The following CPQ variants were observed in gnomAD, a reference collection of about 807,000 sequenced individuals.
CPQ encodes the protein carboxypeptidase Q.
A neutral mutation model predicts 45.7 loss-of-function variants in CPQ; 37 were observed. The ratio of observed to expected loss-of-function variants is 0.81; its 90% CI spans 0.62 to 1.07. The LOEUF is 1.07. Ranked by LOEUF, CPQ falls within the 50% of genes least tolerant of loss-of-function variation. The pLI, the probability that CPQ is intolerant of heterozygous loss-of-function variation, is 0.00. For synonymous variants in CPQ, 186 were observed against 205.8 expected, an observed-to-expected ratio of 0.90 and a Z score of 0.82; for missense variants, 537 against 572.9, an observed-to-expected ratio of 0.94 and a Z score of 0.64.
At chr8:96,931,291 A>G (rs1812971481) in intron 4 of CPQ, among the ~76,000 whole-genome samples, 2 of 152,144 alleles carry the variant, frequency 1.3e-5, no homozygotes, top group South Asian at 4.1e-4. Context: ...TAACTTTTCT[A>G]TTATGCCACA....
intron 4 of CPQ, among the ~76,000 whole-genome samples, chr8:96,950,175 G>A (rs1048298708): frequency 6.6e-6 from 1 of 152,092 alleles, no homozygotes; most frequent in African/African-American, 2.4e-5. Context: ...ATCACTGAGA[G>A]AAAATAAGTT....
intron 7 of CPQ, among the ~76,000 whole-genome samples, chr8:97,073,275 C>G (rs997834900): frequency 6.6e-6 from 1 of 152,168 alleles, no homozygotes; most frequent in Admixed American, 6.5e-5. Flanking sequence ...TTTGCAAAGG[C>G]CTTTCCTCTA....
intron 1 of CPQ, among the ~76,000 whole-genome samples, chr8:96,758,168 GA>G (rs1178376789): frequency 6.6e-6 from 1 of 152,178 alleles, no homozygotes; most frequent in Non-Finnish European, 1.5e-5. Context: ...TAAGAGATCT[GA>G]GGTCTTTTAG....
intron 2 of CPQ, among the ~76,000 whole-genome samples, chr8:96,793,624 C>T (rs1810882297): frequency 6.6e-6 from 1 of 152,178 alleles, no homozygotes; most frequent in Non-Finnish European, 1.5e-5. Flanking sequence ...ATCATGCTTT[C>T]CCAACAGTTT....
chr8:97,033,512 G>A (rs901620105), intron 6 of CPQ, among the ~76,000 whole-genome samples: 10 of 151,940 alleles, frequency 6.6e-5, no homozygotes, highest in Admixed American at 2.0e-4. Context: ...TCTCTTTCTC[G>A]TTTGTATGAC....
At chr8:97,033,625 CTT>C (rs774022131) in intron 6 of CPQ, among the ~76,000 whole-genome samples, 13 of 142,336 alleles carry the variant, frequency 9.1e-5, no homozygotes, top group Admixed American at 2.8e-4. Context: ...CATGCACAAT[CTT>C]TTTTTTTTTT....
In CPQ at chr8:96,651,639, T is replaced by C. The variant is rs550724501; in HGVS notation, c.-35+6237T>C. Among the ~76,000 whole-genome samples, 8 of 152,226 alleles carry C rather than the reference T, an allele frequency of 5.3e-5. No individual in the cohort carries two copies. The South Asian group carries it at 1.5e-3, about 28-fold the overall frequency. On this transcript the variant is annotated intron_variant, in intron 1 of 7. Transcript: ENST00000220763. ...GGTAATACACAAGATTTGAATAATA[T>C]AACTAATGAGGTTGAATAATATAAT...
chr8:97,061,729 A>G (rs536891293), intron 6 of CPQ, among the ~76,000 whole-genome samples: 6 of 152,292 alleles, frequency 3.9e-5, no homozygotes, highest in Admixed American at 1.3e-4. Context: ...AGCTAACAGA[A>G]GGGCTTATAT....
At chr8:96,839,109 AT>A (rs1811571020) in intron 3 of CPQ, among the ~76,000 whole-genome samples, 3 of 151,398 alleles carry the variant, frequency 2.0e-5, no homozygotes, top group Non-Finnish European at 4.4e-5. Context: ...ATATATATAT[AT>A]ATTATGATTT....
intron 3 of CPQ, among the ~76,000 whole-genome samples, chr8:96,877,498 G>A (rs887098483): frequency 3.3e-5 from 5 of 152,122 alleles, no homozygotes; most frequent in African/African-American, 1.2e-4. Flanking sequence ...CAGACATCAC[G>A]TAAGGTAATA....
At chr8:97,025,177 T>C (rs980409414) in intron 5 of CPQ, among the ~76,000 whole-genome samples, 1 of 152,184 alleles carries the variant, frequency 6.6e-6, no homozygotes, top group Non-Finnish European at 1.5e-5. Context: ...AGCTTAATGA[T>C]AGTTCTCTCT....
chr8:96,893,418 G>A (rs1812402836), intron 4 of CPQ, among the ~76,000 whole-genome samples: 1 of 152,192 alleles, frequency 6.6e-6, no homozygotes. Flanking sequence ...AGGAAAATAG[G>A]CAGTAAGTTC....
intron 4 of CPQ, among the ~76,000 whole-genome samples, chr8:96,893,864 T>G (rs1812408040): frequency 6.6e-6 from 1 of 152,214 alleles, no homozygotes; most frequent in Non-Finnish European, 1.5e-5. Flanking sequence ...GTCCACATTT[T>G]TTTTTAAAAT....
intron 1 of CPQ, among the ~76,000 whole-genome samples, chr8:96,734,957 A>G (rs1009402793): frequency 2.0e-5 from 3 of 151,722 alleles, no homozygotes; most frequent in African/African-American, 7.3e-5. Flanking sequence ...GCTTGTTTGC[A>G]TGCTCTCTCT....
intron 7 of CPQ, among the ~76,000 whole-genome samples, chr8:97,112,862 G>C (rs1016231576): frequency 6.6e-6 from 1 of 152,238 alleles, no homozygotes; most frequent in Admixed American, 6.5e-5. Flanking sequence ...TCAGGCTTGC[G>C]CCTCTGGGAT....
chr8:96,897,234 A>T (rs115969527), intron 4 of CPQ, among the ~76,000 whole-genome samples: 2,523 of 152,284 alleles, frequency 0.017, 68 homozygotes, highest in African/African-American at 0.055. Flanking sequence ...ACTAATTTTG[A>T]AAGATAATTT....
At chr8:96,822,869 C>T (rs951556445) in intron 2 of CPQ, among the ~76,000 whole-genome samples, 2 of 152,006 alleles carry the variant, frequency 1.3e-5, no homozygotes, top group African/African-American at 2.4e-5. Context: ...TCCCTGATCA[C>T]CTAATACAAA....
chr8:96,829,447 T>G (rs1444989195), intron 2 of CPQ, among the ~76,000 whole-genome samples: 1 of 152,110 alleles, frequency 6.6e-6, no homozygotes, highest in African/African-American at 2.4e-5. Context: ...ACTGTTTTCC[T>G]TTTCTTCCTG....
At position 96,987,909 on chromosome 8, in the gene CPQ, G is replaced by T. The variant is rs78091006; in HGVS notation, c.961+21863G>T. On this transcript the variant is annotated intron_variant, in intron 5 of 7. Transcript: ENST00000220763. ...AAGTACTATAAAAAGTAACTTGATG[G>T]CATAAAGTGAATTCCCATGATGAGA... is the stretch of plus-strand genomic sequence containing the variant. Among the ~76,000 whole-genome samples, 526 of 152,218 alleles carry T rather than the reference G, an allele frequency of 3.5e-3. 4 individuals carry two copies. The highest frequency in any genetic ancestry group is 4.6e-3 in the Non-Finnish European group (313 of 68,006).
Sources: gnomAD v4.1 joint callset for allele counts (sites outside exome capture counted in the v4.1 genomes callset) on GRCh38, gnomAD v4.1.1 for gene constraint, MANE v1.5 for transcripts, NCBI Gene and HGNC (gene_info 2026-07-23, HGNC 2026-07-21) for gene names.